MAGI2: variants seen among roughly 807,000 people sequenced by gnomAD.
MAGI2 encodes membrane-associated guanylate kinase, WW and PDZ domain-containing protein 2.
MAGI2 carries 35 observed loss-of-function variants against 133.3 expected under a neutral mutation model. The ratio of observed to expected loss-of-function variants is 0.26; its 90% confidence interval spans 0.20 to 0.35. MAGI2 has a LOEUF of 0.35. MAGI2 is among the 10% of genes least tolerant of loss of function. The probability of loss-of-function intolerance (pLI) is 1.00; values close to 1 mark genes in which losing one functional copy is unlikely to be tolerated. For synonymous variants in MAGI2, 729 were observed against 710.6 expected (o/e 1.03, Z -0.41); for missense variants, 1,636 against 1,863.4 (o/e 0.88, Z 2.25).
chr7:78,363,962 C>T (rs1049096752), intron 7 of MAGI2, among the ~76,000 whole-genome samples: 1 of 152,212 alleles, frequency 6.6e-6, no homozygotes, highest in Admixed American at 6.5e-5. Flanking sequence ...TTGGCATGCA[C>T]GAAGTGCACA....
chr7:78,795,662 G>A (rs77791960), intron 2 of MAGI2, among the ~76,000 whole-genome samples: 2,191 of 151,820 alleles, frequency 0.014, 53 homozygotes, highest in African/African-American at 0.05. Context: ...CCTAAAATTC[G>A]TACGGAATCA....
intron 2 of MAGI2, among the ~76,000 whole-genome samples, chr7:78,743,465 A>G (rs2151259341): frequency 6.6e-6 from 1 of 152,326 alleles, no homozygotes; most frequent in East Asian, 1.9e-4. Context: ...GTACAGCCAG[A>G]AAGGGTTAAG....
In MAGI2 at chr7:78,169,179, C is replaced by T. The variant is rs368904557; in HGVS notation, c.2404-1071G>A. On this transcript the variant is annotated intron_variant, in intron 14 of 21. Transcript: ENST00000354212. ...CTCAGTTTAGTGTGCATTAGCAGGGCTTTTTTCTTTCTCAGAGGAAAGAAA... is the reference window on the plus strand; with the variant it reads ...CTCAGTTTAGTGTGCATTAGCAGGGTTTTTTTCTTTCTCAGAGGAAAGAAA... Among the ~76,000 whole-genome samples, 11 of 152,326 alleles carry T rather than the reference C, an allele frequency of 7.2e-5. No homozygotes were observed. In the East Asian group the frequency reaches 2.1e-3, roughly 29 times the overall value.
chr7:78,624,655 G>A (rs770763808), intron 3 of MAGI2, among the ~76,000 whole-genome samples: 2 of 152,068 alleles, frequency 1.3e-5, no homozygotes, highest in South Asian at 4.1e-4. Context: ...GGCGGGTGCT[G>A]AGAAGAGGGA....
intron 1 of MAGI2, among the ~76,000 whole-genome samples, chr7:79,392,333 C>G (rs1844719763): frequency 6.6e-6 from 1 of 152,070 alleles, no homozygotes; most frequent in Admixed American, 6.6e-5. Context: ...GTGCATGTGT[C>G]TTTATAGTAG....
chr7:79,041,203 T>C (rs183345908), intron 1 of MAGI2, among the ~76,000 whole-genome samples: 422 of 152,314 alleles, frequency 2.8e-3, no homozygotes, highest in African/African-American at 9.1e-3. Context: ...TAGTCTGGAA[T>C]TCAACAGCAG....
intron 1 of MAGI2, among the ~76,000 whole-genome samples, chr7:79,211,890 C>G (rs115222955): frequency 6.6e-6 from 1 of 151,876 alleles, no homozygotes; most frequent in Non-Finnish European, 1.5e-5. Context: ...GAGTTTAAGC[C>G]AGCTACTTGG....
intron 9 of MAGI2, among the ~76,000 whole-genome samples, chr7:78,340,757 C>T (rs1398086544): frequency 1.3e-5 from 2 of 151,948 alleles, no homozygotes; most frequent in Admixed American, 6.6e-5. Flanking sequence ...AATTCAACAC[C>T]CCTTCATACT....
chr7:78,075,820 C>G (rs572428313), intron 21 of MAGI2, among the ~76,000 whole-genome samples: 2 of 152,280 alleles, frequency 1.3e-5, no homozygotes, highest in African/African-American at 4.8e-5. Flanking sequence ...AGAAATATCA[C>G]TTGATGACAT....
chr7:78,188,710 G>C (rs1464795743), intron 12 of MAGI2, among the ~76,000 whole-genome samples: 1 of 152,190 alleles, frequency 6.6e-6, no homozygotes, highest in African/African-American at 2.4e-5. Flanking sequence ...GTGTTCACAT[G>C]TGAGGGTGTT....
chr7:79,410,121 C>T (rs1563198000), intron 1 of MAGI2: 1 of 152,040 alleles, frequency 6.6e-6, no homozygotes, highest in African/African-American at 2.4e-5. Flanking sequence ...CTATGTAATG[C>T]TTACTCTGTA....
chr7:78,686,359 C>A (rs1480102130), intron 2 of MAGI2, among the ~76,000 whole-genome samples: 1 of 152,076 alleles, frequency 6.6e-6, no homozygotes, highest in Non-Finnish European at 1.5e-5. Flanking sequence ...TAAGTGTGGA[C>A]CTCTCCCCTC....
intron 3 of MAGI2, among the ~76,000 whole-genome samples, chr7:78,534,771 G>C (rs546485994): frequency 6.6e-6 from 1 of 152,140 alleles, no homozygotes; most frequent in Non-Finnish European, 1.5e-5. Context: ...TTCTGATAGT[G>C]GGGGAGCAAG....
intron 9 of MAGI2, among the ~76,000 whole-genome samples, chr7:78,293,355 C>G (rs1796916026): frequency 6.6e-6 from 1 of 152,172 alleles, no homozygotes; most frequent in African/African-American, 2.4e-5. Context: ...CACTGGCCAT[C>G]AGAGAAATGC....
At chr7:78,068,908 A>C (rs1328318829) in intron 21 of MAGI2, among the ~76,000 whole-genome samples, 1 of 152,212 alleles carries the variant, frequency 6.6e-6, no homozygotes, top group Non-Finnish European at 1.5e-5. Context: ...ATTTCAAGAC[A>C]TGAGAAAATG....
chr7:78,427,923 C>T lies in MAGI2; in HGVS notation c.1046-58710G>A, dbSNP rs376229648. Among the ~76,000 whole-genome samples the T allele has an allele frequency of 3.5e-4, 54 of 152,166 alleles. 1 individual carries two copies. Among genetic ancestry groups the T allele is most frequent in the Admixed American group, 9.8e-4 (15 of 15,274 alleles). ...TGGGCTGGTCTAGGCCAAAAGACAA[C>T]CATGTAGTAGGAAAAATCTGTCTCC... On this transcript the variant is annotated intron_variant, in intron 6 of 21. Coordinates refer to ENST00000354212, the MANE Select transcript of MAGI2 (RefSeq NM_012301.4).
At chr7:78,403,468 A>C (rs1273560254) in intron 6 of MAGI2, among the ~76,000 whole-genome samples, 5 of 152,138 alleles carry the variant, frequency 3.3e-5, no homozygotes, top group African/African-American at 1.2e-4. Flanking sequence ...ATACGTGTGC[A>C]TGTGTCTTTA....
intron 16 of MAGI2, among the ~76,000 whole-genome samples, chr7:78,138,091 T>C (rs1036265859): frequency 2.0e-5 from 3 of 152,240 alleles, no homozygotes; most frequent in Admixed American, 1.3e-4. Flanking sequence ...CTTAGAACCC[T>C]AGTCTATCAG....
At chr7:78,672,225 G>A (rs1345254762) in intron 2 of MAGI2, among the ~76,000 whole-genome samples, 1 of 152,096 alleles carries the variant, frequency 6.6e-6, no homozygotes, top group Non-Finnish European at 1.5e-5. Context: ...CTCATGGTAA[G>A]CAGTTTACAT....
Sources: gnomAD v4.1 joint callset for allele counts (sites outside exome capture counted in the v4.1 genomes callset) on GRCh38, gnomAD v4.1.1 for gene constraint, MANE v1.5 for transcripts, NCBI Gene and HGNC (gene_info 2026-07-23, HGNC 2026-07-21) for gene names.